EEF2K: variants seen among roughly 807,000 people sequenced by gnomAD.
EEF2K encodes the protein alternative protein EEF2K.
EEF2K carries 70 observed loss-of-function variants against 93.8 expected under a neutral mutation model. The observed-to-expected ratio is 0.75, with a 90% CI of 0.62 to 0.91. The LOEUF (loss-of-function observed/expected upper bound fraction) is 0.91. Ranked by LOEUF, EEF2K falls within the 40% of genes least tolerant of loss-of-function variation. EEF2K has a pLI of 0.00. For missense variants in EEF2K, 935 were observed against 972.9 expected (o/e 0.96, Z 0.52); for synonymous variants, 376 against 380.8 (o/e 0.99, Z 0.15).
At chr16:22,248,665 G>GGGGA (rs2047318485) in intron 3 of EEF2K, 90 bp from the exon 4 acceptor site, 1 of 1,514,792 alleles carries the variant, frequency 6.6e-7, no homozygotes, top group Admixed American at 1.7e-5. Flanking sequence ...TGAGGTCAGT[G>GGGGA]GGGAGCCCAG....
chr16:22,216,753 G>A (rs2046961393), intron 1 of EEF2K, among the ~76,000 whole-genome samples: 1 of 152,068 alleles, frequency 6.6e-6, no homozygotes, highest in African/African-American at 2.4e-5. Context: ...GGAACCAGAA[G>A]AAGACCTACC....
intron 15 of EEF2K, among the ~76,000 whole-genome samples, chr16:22,267,232 C>A (rs1309594699): frequency 6.6e-6 from 1 of 152,074 alleles, no homozygotes; most frequent in Non-Finnish European, 1.5e-5. Context: ...CTGTGTGTAT[C>A]CCTAGTGGCT....
intron 2 of EEF2K, among the ~76,000 whole-genome samples, chr16:22,232,891 T>TTTTTTTTTTTTTTTTTTTTTTTG (rs2047130062): frequency 6.6e-6 from 1 of 151,128 alleles, no homozygotes; most frequent in African/African-American, 2.4e-5. Flanking sequence ...GTTTTTTTTT[T>TTTTTTTTTTTTTTTTTTTTTTTG]AACGCACTGT....
At chr16:22,269,710 T>G (rs1309344280) in intron 15 of EEF2K, among the ~76,000 whole-genome samples, 1 of 152,088 alleles carries the variant, frequency 6.6e-6, no homozygotes, top group Non-Finnish European at 1.5e-5. Flanking sequence ...CCAGTATAAC[T>G]AATTATATCT....
At chr16:22,244,271 G>T (rs1024290895) in intron 2 of EEF2K, among the ~76,000 whole-genome samples, 20 of 68,330 alleles carry the variant, frequency 2.9e-4, no homozygotes, top group East Asian at 1.3e-3. Flanking sequence ...TATATGTATT[G>T]TGTGTGTGTG....
chr16:22,259,744 GT>G (rs371473525), intron 10 of EEF2K, among the ~76,000 whole-genome samples: 6 of 148,390 alleles, frequency 4.0e-5, no homozygotes, highest in Non-Finnish European at 7.5e-5. Flanking sequence ...GATGGTTGGT[GT>G]TTTTTTTTTG....
intron 4 of EEF2K, 77 bp downstream of exon 4, chr16:22,248,892 T>A: frequency 7.2e-7 from 1 of 1,381,306 alleles, no homozygotes; most frequent in Non-Finnish European, 1.0e-6. Context: ...TGTGCACCCT[T>A]CTCTCCCACT....
rs1183602532 is a variant in EEF2K at position 22,251,250 on chromosome 16, T to A, written c.546T>A (p.Phe182Leu). ...YIEPVDRDVYFEDVRLQMEAK... is the reference protein window; with the variant it reads ...YIEPVDRDVYLEDVRLQMEAK... ...AGCCCGTAGACCGGGATGTGTACTT[T>A]GAGGACGTGCGTCTACAGATGGAGG... The change falls in exon 6 of 18, where the codon TTT (phenylalanine) becomes TTA (leucine). Residue 182 changes from phenylalanine (F) to leucine (L), a missense_variant. Phe to Leu is a conservative substitution (Grantham distance 22). Transcript: ENST00000263026. 1 of 1,614,108 alleles carries A rather than the reference T, an allele frequency of 6.2e-7. No homozygotes were observed. The highest frequency in any genetic ancestry group is 1.1e-5 in the South Asian group (1 of 91,082).
chr16:22,266,856 C>G lies in EEF2K; in HGVS notation c.1744C>G (p.Leu582Val). The G allele has an allele frequency of 6.2e-7, 1 of 1,611,728 alleles. No individual in the cohort carries two copies. Among genetic ancestry groups the G allele is most frequent in the Non-Finnish European group, 8.5e-7 (1 of 1,178,518 alleles). The change falls in exon 15 of 18, where the codon CTA (leucine) becomes GTA (valine). Residue 582 changes from leucine (L) to valine (V), a missense_variant. Leu to Val is a conservative substitution (Grantham distance 32, BLOSUM62 1). Transcript: ENST00000263026. The stretch of plus-strand genomic sequence containing the variant: ...GTACTCGCAGTTGCCTCATCACATC[C>G]TAGCCGATGTCTCTCTGAAGGTGAG... The part of the protein sequence containing the change: ...LMYSQLPHHI[L>V]ADVSLKETEE...
rs376300229 is a variant in EEF2K, at chr16:22,236,024, A to C, written c.247-8606A>C. On this transcript the variant is annotated intron_variant, in intron 2 of 17. Coordinates refer to ENST00000263026, the MANE Select transcript of EEF2K (RefSeq NM_013302.5). ...TGCTATGCTGCCCAGGCTGCTCTGG[A>C]ACTCCAAGTGTCAAGTGATCCTCCT... 2.6e-5 allele frequency among the ~76,000 whole-genome samples: 4 copies of C among 151,538 alleles called. 1 individual carries two copies. The highest frequency in any genetic ancestry group is 6.6e-5 in the Admixed American group (1 of 15,196).
intron 2 of EEF2K, among the ~76,000 whole-genome samples, chr16:22,231,113 G>T (rs1250805264): frequency 6.6e-6 from 1 of 151,312 alleles, no homozygotes. Context: ...TTCTGAGACA[G>T]AGTCTTGCTC....
At chr16:22,260,791 G>A (rs180958612) in intron 11 of EEF2K, among the ~76,000 whole-genome samples, 11 of 152,306 alleles carry the variant, frequency 7.2e-5, no homozygotes, top group Admixed American at 3.3e-4. Flanking sequence ...GCAACAATGC[G>A]ATCTTGTAGT....
chr16:22,259,783 C>G (rs1334472358), intron 10 of EEF2K, among the ~76,000 whole-genome samples: 1 of 151,978 alleles, frequency 6.6e-6, no homozygotes, highest in Non-Finnish European at 1.5e-5. Context: ...CGGAATCTCT[C>G]TCTCTGTCAC....
chr16:22,244,049 G>A (rs1431848116), intron 2 of EEF2K, among the ~76,000 whole-genome samples: 3 of 151,730 alleles, frequency 2.0e-5, no homozygotes, highest in Admixed American at 6.6e-5. Context: ...CCAATGTGGT[G>A]AAACCTTGTT....
intron 16 of EEF2K, among the ~76,000 whole-genome samples, chr16:22,274,953 A>T (rs993164528): frequency 6.6e-6 from 1 of 152,184 alleles, no homozygotes. Flanking sequence ...TAGTTCTGAG[A>T]TGTAAAGGGG....
intron 2 of EEF2K, among the ~76,000 whole-genome samples, chr16:22,240,685 A>G (rs1457745835): frequency 6.6e-6 from 1 of 152,202 alleles, no homozygotes; most frequent in Non-Finnish European, 1.5e-5. Context: ...ATGACATGGA[A>G]AGATGTCCAA....
chr16:22,243,051 G>A (rs955304411), intron 2 of EEF2K, among the ~76,000 whole-genome samples: 1 of 151,412 alleles, frequency 6.6e-6, no homozygotes, highest in Non-Finnish European at 1.5e-5. Flanking sequence ...GACAGGGTGA[G>A]ACCCCGTCTC....
intron 1 of EEF2K, among the ~76,000 whole-genome samples, chr16:22,217,500 G>A (rs1339923024): frequency 6.6e-6 from 1 of 152,092 alleles, no homozygotes; most frequent in Non-Finnish European, 1.5e-5. Context: ...CTGGAGTACA[G>A]TGGCACGATC....
chr16:22,257,101 C>T, intron 7 of EEF2K, 152 bp from the exon 8 acceptor site: 1 of 1,414,216 alleles, frequency 7.1e-7, no homozygotes, highest in Non-Finnish European at 9.6e-7. Flanking sequence ...GCCCAAGGTC[C>T]CTGCCCAACT....
Sources: gnomAD v4.1 joint callset for allele counts (sites outside exome capture counted in the v4.1 genomes callset) on GRCh38, gnomAD v4.1.1 for gene constraint, MANE v1.5 for transcripts, NCBI Gene and HGNC (gene_info 2026-07-23, HGNC 2026-07-21) for gene names.